Variants in REL observed in about 807,000 individuals in gnomAD.
REL encodes the protein proto-oncogene c-Rel.
REL carries 15 observed loss-of-function variants against 45.9 expected under a neutral mutation model. That is an observed-to-expected ratio of 0.33 (90% CI 0.22 to 0.50). The LOEUF is 0.50. REL is among the 20% of genes least tolerant of loss of function. The pLI is 0.98. For synonymous variants in REL, 239 were observed against 242.1 expected, an observed-to-expected ratio of 0.99 and a Z score of 0.12; for missense variants, 601 against 715.2, an observed-to-expected ratio of 0.84 and a Z score of 1.82.
rs1166395786 is a variant in REL at position 60,929,006 on chromosome 2, CG to C, written c.*6472del. 6.8e-6 allele frequency: 1 copy of C among 147,044 alleles called. No homozygotes were observed. The highest frequency in any genetic ancestry group is 1.5e-5 in the Non-Finnish European group (1 of 65,650). 9.1% of individuals were successfully genotyped at this position (147,044 alleles called of 1,614,324 possible). ...AAAAACAACCCCATCAAAAAGTGGGCGAAGGACATGAACAGACACTTCTCAA... is the reference window on the plus strand; with the variant it reads ...AAAAACAACCCCATCAAAAAGTGGGCAAGGACATGAACAGACACTTCTCAA... On this transcript the variant is annotated 3_prime_UTR_variant, in exon 10 of 10. Transcript: ENST00000394479.
intron 3 of REL, 109 bp downstream of exon 3, chr2:60,894,654 C>A (rs1466847424): frequency 7.5e-6 from 6 of 803,670 alleles, no homozygotes; most frequent in Non-Finnish European, 1.1e-5. Context: ...TCTCATTCTA[C>A]TTCTATTTAC....
chr2:60,911,098 G>C (rs1673801684), intron 4 of REL, among the ~76,000 whole-genome samples: 1 of 152,094 alleles, frequency 6.6e-6, no homozygotes, highest in Admixed American at 6.6e-5. Context: ...AGAAACCAAG[G>C]CACACTTTTA....
rs779461916 is a variant in REL, at chr2:60,922,283, C to T, written c.1512C>T (p.Leu504=). 6.2e-7 allele frequency: 1 copy of T among 1,614,116 alleles called. No homozygotes were observed. Among genetic ancestry groups the T allele is most frequent in the Non-Finnish European group, 8.5e-7 (1 of 1,179,994 alleles). The change falls in exon 10 of 10, where the codon CTC becomes CTT. Residue 504 remains leucine (L), a synonymous_variant. Transcript: ENST00000394479. ...SVLDPRDLRQ[L]HQMSSSSMSA... is the part of the protein sequence containing the mutation. ...TAGACCCAAGAGACTTGAGACAGCT[C>T]CATCAGATGTCCTCTTCCAGTATGT...
chr2:60,884,169 G>C (rs1228289750), intron 1 of REL, among the ~76,000 whole-genome samples: 1 of 150,842 alleles, frequency 6.6e-6, no homozygotes, highest in Non-Finnish European at 1.5e-5. Flanking sequence ...TAGTAAGGTA[G>C]TATTAAAACC....
rs941643874 is a variant in REL at position 60,881,697 on chromosome 2, G to A, written c.-144G>A. The stretch of plus-strand genomic sequence containing the variant: ...GTGAGCCGCAAACCCAGCGGAGGGC[G>A]GGAAGAAGGAGGAGGCCTCTAGGGT... On this transcript the variant is annotated 5_prime_UTR_variant, in exon 1 of 10. Transcript: ENST00000394479. The A allele has an allele frequency of 1.6e-5, 10 of 608,756 alleles. No homozygotes were observed. The highest frequency in any genetic ancestry group is 2.8e-5 in the Non-Finnish European group (10 of 354,426). 37.7% of individuals were successfully genotyped at this position (608,756 alleles called of 1,614,324 possible).
rs1013842908 is a variant in REL at position 60,927,408 on chromosome 2, T to A, written c.*4873T>A. 2 of 231,558 alleles carry A rather than the reference T, an allele frequency of 8.6e-6. No individual in the cohort carries two copies. The highest frequency in any genetic ancestry group is 2.2e-5 in the African/African-American group (1 of 45,256). The allele number at this position is 231,558 out of a possible 1,614,324, so 14.3% of individuals were successfully genotyped here. A position where few individuals can be genotyped will look rare whatever the true frequency, so the allele number is the denominator to read the frequency against. Reference sequence around the variant, plus strand: ...ACACACGCACACATACCACAGCCCTTTGAGACTGAAAGCAGCTCTATTGAG... The same window carrying A: ...ACACACGCACACATACCACAGCCCTATGAGACTGAAAGCAGCTCTATTGAG... On this transcript the variant is annotated 3_prime_UTR_variant, in exon 10 of 10. Transcript: ENST00000394479.
intron 1 of REL, among the ~76,000 whole-genome samples, chr2:60,887,977 G>T (rs1449178901): frequency 1.3e-5 from 2 of 150,978 alleles, no homozygotes; most frequent in East Asian, 3.9e-4. Flanking sequence ...ACCCAGGCTA[G>T]AGTGCAGTGG....
At chr2:60,895,708 G>A (rs767078058) in intron 3 of REL, among the ~76,000 whole-genome samples, 2 of 152,184 alleles carry the variant, frequency 1.3e-5, no homozygotes, top group Non-Finnish European at 2.9e-5. Context: ...TAACTACATG[G>A]CAAAAGCCTG....
intron 5 of REL, among the ~76,000 whole-genome samples, chr2:60,917,680 C>CTGTGTGTGTGTGTGTGTGTGTGTG (rs34038794): frequency 1.4e-5 from 2 of 142,254 alleles, no homozygotes; most frequent in South Asian, 2.3e-4. Context: ...CCCCAAAATA[C>CTGTGTGTGTGTGTGTGTGTGTGTG]TGTGTGTGTG....
intron 1 of REL, among the ~76,000 whole-genome samples, chr2:60,888,728 A>G (rs1011256252): frequency 7.2e-5 from 11 of 152,244 alleles, no homozygotes; most frequent in African/African-American, 2.7e-4. Flanking sequence ...TGAAAGTTAC[A>G]GTAATACTTT....
chr2:60,916,024 T>C (rs1298989525), intron 4 of REL, among the ~76,000 whole-genome samples: 1 of 152,244 alleles, frequency 6.6e-6, no homozygotes, highest in Non-Finnish European at 1.5e-5. Context: ...CTAATAGATT[T>C]CAATTTTTAA....
At chr2:60,891,620 T>TA in intron 1 of REL, 63 bp from the exon 2 acceptor site, 1 of 1,352,348 alleles carries the variant, frequency 7.4e-7, no homozygotes. Flanking sequence ...AACAGAATGT[T>TA]AAAATCCATT....
intron 1 of REL, among the ~76,000 whole-genome samples, chr2:60,890,960 T>C (rs953592056): frequency 1.3e-5 from 2 of 152,258 alleles, no homozygotes; most frequent in African/African-American, 4.8e-5. Flanking sequence ...TCCATGTTAT[T>C]ATATGTAGCA....
chr2:60,922,528 A>C lies in REL; in HGVS notation c.1757A>C (p.Gln586Pro). The change falls in exon 10 of 10, where the codon CAA becomes CCA. Residue 586 changes from glutamine (Q) to proline (P), a missense_variant. Physicochemically the swap from Gln to Pro is moderately conservative, Grantham distance 76. Transcript: ENST00000394479. ...GACTCCTTTCCATATGAATTTTTTCAAGTATAACTTGCAAGATTTAAATCC... is the reference window on the plus strand; with the variant it reads ...GACTCCTTTCCATATGAATTTTTTCCAGTATAACTTGCAAGATTTAAATCC... The part of the protein sequence containing the change: ...LSDSFPYEFF[Q>P]V 2 of 1,596,772 alleles carry C rather than the reference A, an allele frequency of 1.3e-6. No individual in the cohort carries two copies. The highest frequency in any genetic ancestry group is 1.7e-6 in the Non-Finnish European group (2 of 1,172,104).
rs574644365 is a variant in REL at position 60,926,475 on chromosome 2, A to G, written c.*3940A>G. On this transcript the variant is annotated 3_prime_UTR_variant, in exon 10 of 10. Transcript: ENST00000394479. The stretch of plus-strand genomic sequence containing the variant: ...CTGCTTGACCTATGTATAACCTCCT[A>G]TACTTCCCTCTTTGCATACTCCTCT... 15 of 231,286 alleles carry G rather than the reference A, an allele frequency of 6.5e-5. No homozygotes were observed. Among genetic ancestry groups the G allele is most frequent in the African/African-American group, 2.4e-4 (11 of 45,066 alleles). The allele number at this position is 231,286 out of a possible 1,614,324, so 14.3% of individuals were successfully genotyped here.
chr2:60,919,428 GT>G (rs1362676951), intron 7 of REL, among the ~76,000 whole-genome samples: 1 of 151,316 alleles, frequency 6.6e-6, no homozygotes, highest in Non-Finnish European at 1.5e-5. Flanking sequence ...TTGTTTTTTT[GT>G]TTTTTTGTTT....
chr2:60,915,712 A>G (rs1185873969), intron 4 of REL, among the ~76,000 whole-genome samples: 1 of 152,222 alleles, frequency 6.6e-6, no homozygotes, highest in Non-Finnish European at 1.5e-5. Context: ...TTTTAAAAAT[A>G]TGACTTATTG....
intron 2 of REL, among the ~76,000 whole-genome samples, chr2:60,894,000 T>C (rs1673286076): frequency 6.6e-6 from 1 of 152,238 alleles, no homozygotes; most frequent in South Asian, 2.1e-4. Flanking sequence ...ATTTATGTGC[T>C]ATCCTTTCCA....
At position 60,926,401 on chromosome 2, in the gene REL, G is replaced by A. The variant is rs114419648; in HGVS notation, c.*3866G>A. 8.6e-3 allele frequency: 1,997 copies of A among 232,080 alleles called. 39 individuals are homozygous for A. Among genetic ancestry groups the A allele is most frequent in the African/African-American group, 0.04 (1,799 of 45,298 alleles). The allele number at this position is 232,080 out of a possible 1,614,324, so 14.4% of individuals were successfully genotyped here. A position where few individuals can be genotyped will look rare whatever the true frequency, so the allele number is the denominator to read the frequency against. On this transcript the variant is annotated 3_prime_UTR_variant, in exon 10 of 10. Coordinates refer to ENST00000394479, the MANE Select transcript of REL (RefSeq NM_001291746.2). The stretch of plus-strand genomic sequence containing the variant: ...TTAGGATATTCTGGGAAAGATGAGC[G>A]GAGACTGCCCGCCTTGTCAAATCTA...
Sources: gnomAD v4.1 joint callset for allele counts (sites outside exome capture counted in the v4.1 genomes callset) on GRCh38, gnomAD v4.1.1 for gene constraint, MANE v1.5 for transcripts, NCBI Gene and HGNC (gene_info 2026-07-23, HGNC 2026-07-21) for gene names.